Variants in NFIB observed in about 807,000 individuals in gnomAD.
NFIB encodes the protein nuclear factor 1 B-type.
Under a neutral mutation model 61.5 loss-of-function variants are expected in NFIB, and 11 were observed. The observed-to-expected ratio is 0.18, with a 90% CI of 0.11 to 0.30. NFIB has a LOEUF of 0.30. Ranked by LOEUF, NFIB falls within the 10% of genes least tolerant of loss-of-function variation. The pLI is 1.00. For synonymous variants in NFIB, 260 were observed against 216.5 expected (o/e 1.20, Z -1.76); for missense variants, 471 against 608.9 (o/e 0.77, Z 2.38).
chr9:14,248,445 T>A (rs1172803815), intron 2 of NFIB, among the ~76,000 whole-genome samples: 1 of 151,922 alleles, frequency 6.6e-6, no homozygotes, highest in Admixed American at 6.6e-5. Flanking sequence ...TAATCTTTTA[T>A]TTTTTTGTGG....
At chr9:14,220,592 C>T (rs1404439738) in intron 2 of NFIB, among the ~76,000 whole-genome samples, 2 of 152,124 alleles carry the variant, frequency 1.3e-5, no homozygotes, top group East Asian at 3.9e-4. Context: ...TTGCAGTCTC[C>T]TCAACAGTGG....
chr9:14,269,392 G>A (rs969982746), intron 2 of NFIB, among the ~76,000 whole-genome samples: 11 of 151,980 alleles, frequency 7.2e-5, no homozygotes, highest in African/African-American at 2.4e-4. Context: ...AACTATAATC[G>A]TGTCATTTCT....
At chr9:14,205,312 G>T (rs908639538) in intron 2 of NFIB, among the ~76,000 whole-genome samples, 1 of 139,826 alleles carries the variant, frequency 7.2e-6, no homozygotes, top group Non-Finnish European at 1.6e-5. Flanking sequence ...GAATGAAAAC[G>T]TGGGAGGGAG....
Position 14,307,710 on chromosome 9 carries a change from G to A in NFIB, c.31-190C>T, listed in dbSNP as rs578095532. Among the ~76,000 whole-genome samples the A allele has an allele frequency of 2.6e-5, 4 of 152,094 alleles. No homozygotes were observed. Among genetic ancestry groups the A allele is most frequent in the African/African-American group, 7.2e-5 (3 of 41,420 alleles). Reference sequence around the variant, plus strand: ...AGAAGAAAGTAAAGTATGCCCAGCTGTCCCCTTTCCACCAAAATTCACAGG... The same window carrying A: ...AGAAGAAAGTAAAGTATGCCCAGCTATCCCCTTTCCACCAAAATTCACAGG... On this transcript the variant is annotated intron_variant, in intron 1 of 10. Transcript: ENST00000380953. This position sits in a 1 kb window ranked among gnomAD's most constrained non-coding sequence, Gnocchi z 5.3.
chr9:14,416,169 G>A, the NFIB span, among the ~76,000 whole-genome samples: 3 of 152,120 alleles, frequency 2.0e-5, no homozygotes, highest in African/African-American at 7.2e-5. Context: ...CCACTTTTAG[G>A]TCAATGTCAA....
chr9:14,514,347 C>CACACACAT, the NFIB span, among the ~76,000 whole-genome samples: 1 of 151,764 alleles, frequency 6.6e-6, no homozygotes, highest in Non-Finnish European at 1.5e-5. Flanking sequence ...CACACACACA[C>CACACACAT]GCATCCACCA....
Position 14,086,772 on chromosome 9 carries a change from ATTTTTTTGTTTT to A in NFIB, c.*1525_*1536del, listed in dbSNP as rs1232713116. 1 of 200,824 alleles carries A rather than the reference ATTTTTTTGTTTT, an allele frequency of 5.0e-6. No individual in the cohort carries two copies. The highest frequency in any genetic ancestry group is 1.0e-5 in the Non-Finnish European group (1 of 98,528). The allele number at this position is 200,824 out of a possible 1,614,324, so 12.4% of individuals were successfully genotyped here. On this transcript the variant is annotated 3_prime_UTR_variant, in exon 11 of 11. Coordinates refer to ENST00000380953, the MANE Select transcript of NFIB (RefSeq NM_001190737.2). ...AAGTGTAGTGATGTCACTTTGTTGT[ATTTTTTTGTTTT>A]TTTTTTTTTGTTTTTTGTTTTTTAG...
chr9:14,157,879 G>A (rs919661731), intron 3 of NFIB, among the ~76,000 whole-genome samples: 6 of 152,060 alleles, frequency 3.9e-5, no homozygotes, highest in East Asian at 1.9e-4. Flanking sequence ...TTGGGAGGCC[G>A]AGGTGGGTGG....
At chr9:14,093,303 T>C (rs2034247539) in intron 10 of NFIB, among the ~76,000 whole-genome samples, 1 of 152,130 alleles carries the variant, frequency 6.6e-6, no homozygotes, top group South Asian at 2.1e-4. Context: ...TACGAATATT[T>C]TTCAGGGGAA....
intron 6 of NFIB, among the ~76,000 whole-genome samples, chr9:14,135,701 T>C (rs2040962322): frequency 1.3e-5 from 2 of 152,156 alleles, no homozygotes; most frequent in South Asian, 4.1e-4. Context: ...TTTATCACAC[T>C]CTAAAATAAC....
the NFIB span, among the ~76,000 whole-genome samples, chr9:14,521,652 C>A: frequency 1.3e-5 from 2 of 152,140 alleles, no homozygotes; most frequent in Admixed American, 1.3e-4. Flanking sequence ...CAGTTTAATA[C>A]ATGCAATTTG....
At chr9:14,315,681 G>C (rs1278264698), upstream of NFIB, among the ~76,000 whole-genome samples, 2 of 150,670 alleles carry the variant, frequency 1.3e-5, no homozygotes, top group Non-Finnish European at 3.0e-5. Context: ...CCGAGTGAAT[G>C]AACTTGATTC....
the NFIB span, among the ~76,000 whole-genome samples, chr9:14,415,085 C>G: frequency 6.6e-6 from 1 of 152,222 alleles, no homozygotes. Flanking sequence ...AGGTTGTCAG[C>G]CAGGCTGCAT....
chr9:14,261,917 G>A (rs1217964201), intron 2 of NFIB, among the ~76,000 whole-genome samples: 6 of 152,186 alleles, frequency 3.9e-5, no homozygotes, highest in Non-Finnish European at 7.3e-5. Context: ...GAACTTCAGG[G>A]AACAATTTCC....
chr9:14,207,758 C>A (rs967712334), intron 2 of NFIB, among the ~76,000 whole-genome samples: 2 of 152,194 alleles, frequency 1.3e-5, no homozygotes, highest in Non-Finnish European at 2.9e-5. Context: ...AATGTTACTA[C>A]GGTCTTGGCT....
At chr9:14,511,578 A>G in the NFIB span, among the ~76,000 whole-genome samples, 5 of 152,336 alleles carry the variant, frequency 3.3e-5, no homozygotes, top group East Asian at 7.7e-4. Context: ...ACTGAAACTC[A>G]GAGAAGCTAA....
intron 2 of NFIB, among the ~76,000 whole-genome samples, chr9:14,198,163 T>C (rs922532319): frequency 4.6e-5 from 7 of 152,144 alleles, no homozygotes; most frequent in African/African-American, 1.4e-4. Flanking sequence ...CTTTGCTTTA[T>C]GAAGTATTAG....
the NFIB span, among the ~76,000 whole-genome samples, chr9:14,452,367 T>C: frequency 1.5e-5 from 2 of 131,850 alleles, no homozygotes; most frequent in South Asian, 5.0e-4. Flanking sequence ...GGAGGGAGGG[T>C]TGGAGATAAA....
chr9:14,089,854 G>T (rs2033583163), intron 10 of NFIB, among the ~76,000 whole-genome samples: 1 of 151,982 alleles, frequency 6.6e-6, no homozygotes, highest in African/African-American at 2.4e-5. Flanking sequence ...TTTTTACTCT[G>T]GTGATACCTC....
Sources: allele counts gnomAD v4.1 joint callset (sites outside exome capture counted in the v4.1 genomes callset), GRCh38; gene constraint gnomAD v4.1.1; non-coding constraint Gnocchi (gnomAD v3.1); transcripts MANE v1.5; gene names NCBI Gene and HGNC (gene_info 2026-07-23, HGNC 2026-07-21).